The following CHL1 variants were observed in gnomAD, a reference collection of about 807,000 sequenced individuals.
The protein encoded by CHL1 is cell adhesion molecule L1 like.
A neutral mutation model predicts 141.9 loss-of-function variants in CHL1; 96 were observed. The observed-to-expected ratio is 0.68, with a 90% CI of 0.57 to 0.80. The LOEUF (loss-of-function observed/expected upper bound fraction) is 0.80, where lower values mean the gene tolerates loss of function less well. CHL1 is among the 30% of genes least tolerant of loss of function. The probability of loss-of-function intolerance (pLI) is 0.00; values close to 1 mark genes in which losing one functional copy is unlikely to be tolerated. For missense variants in CHL1, 1,820 were observed against 1,457.2 expected (o/e 1.25, Z -4.05); for synonymous variants, 613 against 502.2 (o/e 1.22, Z -2.95).
At position 407,992 on chromosome 3, in the gene CHL1, A is replaced by G. The variant is rs1011102314; in HGVS notation, c.*2281A>G. On this transcript the variant is annotated 3_prime_UTR_variant, in exon 28 of 28. Transcript: ENST00000256509. ...TCAATACTATTTGGCAACTACTGGG[A>G]CTCTTCAGCACAAAAGGAATAGATC... 4 of 151,958 alleles carry G rather than the reference A, an allele frequency of 2.6e-5. No homozygotes were observed. The highest frequency in any genetic ancestry group is 9.7e-5 in the African/African-American group (4 of 41,372). 9.4% of individuals were successfully genotyped at this position (151,958 alleles called of 1,614,324 possible).
chr3:341,851 A>T, intron 6 of CHL1, 61 bp from the exon 7 acceptor site: 1 of 1,288,140 alleles, frequency 7.8e-7, no homozygotes, highest in Non-Finnish European at 1.0e-6. Flanking sequence ...AAAATGAAAA[A>T]GGAAGATGAA....
At position 382,857 on chromosome 3, in the gene CHL1, C is replaced by T. The variant is rs533156120; in HGVS notation, c.2176+186C>T. The T allele has an allele frequency of 7.4e-5, 41 of 553,450 alleles. 1 individual carries two copies. The highest frequency in any genetic ancestry group is 5.0e-4 in the Middle Eastern group (1 of 2,020). The allele number at this position is 553,450 out of a possible 1,614,324, so 34.3% of individuals were successfully genotyped here. A position where few individuals can be genotyped will look rare whatever the true frequency, so the allele number is the denominator to read the frequency against. On this transcript the variant is annotated intron_variant, in intron 18 of 27. Coordinates refer to ENST00000256509, the MANE Select transcript of CHL1 (RefSeq NM_006614.4). ...GTTTCAGAAGTGTTACATACGAGTT[C>T]GATAAAAGCAGGAAATTAGGGGAGT...
At chr3:214,875 G>A (rs1700182166) in intron 1 of CHL1, among the ~76,000 whole-genome samples, 1 of 152,138 alleles carries the variant, frequency 6.6e-6, no homozygotes, top group East Asian at 1.9e-4. Context: ...GATTAATTAT[G>A]TATGCCTAAT....
chr3:354,495 C>G, intron 10 of CHL1, 145 bp from the exon 11 acceptor site: 1 of 846,036 alleles, frequency 1.2e-6, no homozygotes, highest in Non-Finnish European at 1.8e-6. Context: ...CCTTGCTTTG[C>G]AGAGCAAGTT....
At chr3:275,790 T>C (rs1302957439) in intron 2 of CHL1, among the ~76,000 whole-genome samples, 2 of 152,144 alleles carry the variant, frequency 1.3e-5, no homozygotes, top group African/African-American at 4.8e-5. Flanking sequence ...AGAATAGATC[T>C]CAGTCTGAAA....
At chr3:207,295 G>A (rs1287674562) in intron 1 of CHL1, among the ~76,000 whole-genome samples, 1 of 152,162 alleles carries the variant, frequency 6.6e-6, no homozygotes, top group Non-Finnish European at 1.5e-5. Context: ...GCTTTGGCTA[G>A]ACAGGAGATC....
At chr3:204,023 CT>C (rs1243963977) in intron 1 of CHL1, among the ~76,000 whole-genome samples, 1 of 152,238 alleles carries the variant, frequency 6.6e-6, no homozygotes, top group Non-Finnish European at 1.5e-5. Context: ...ATCTTCACCA[CT>C]TTTTCTTTGT....
chr3:245,473 G>T (rs1467725773), intron 2 of CHL1, among the ~76,000 whole-genome samples: 1 of 152,112 alleles, frequency 6.6e-6, no homozygotes, highest in East Asian at 1.9e-4. Flanking sequence ...TTCAGTAAGT[G>T]CCAATAATTA....
At chr3:240,855 T>G (rs1411753235) in intron 1 of CHL1, among the ~76,000 whole-genome samples, 1 of 108,036 alleles carries the variant, frequency 9.3e-6, no homozygotes, top group Non-Finnish European at 2.4e-5. Context: ...AATAGGGTGT[T>G]CTTTCCCCCA....
At chr3:214,125 G>A (rs1700113317) in intron 1 of CHL1, among the ~76,000 whole-genome samples, 1 of 152,142 alleles carries the variant, frequency 6.6e-6, no homozygotes, top group Admixed American at 6.5e-5. Context: ...GGGCTCTTTG[G>A]TGCCAATAAT....
At chr3:217,787 C>T (rs974692111) in intron 1 of CHL1, 1 of 152,074 alleles carries the variant, frequency 6.6e-6, no homozygotes, top group African/African-American at 2.4e-5. Context: ...CAAAGGAATT[C>T]CAACAGTTAA....
At chr3:377,695 T>A (rs1026481231) in intron 15 of CHL1, 123 bp from the exon 16 acceptor site, 1 of 791,442 alleles carries the variant, frequency 1.3e-6, no homozygotes, top group Non-Finnish European at 1.9e-6. Context: ...AAATTTGCAT[T>A]GCATAAAGTC....
intron 14 of CHL1, among the ~76,000 whole-genome samples, chr3:365,214 A>G (rs182279183): frequency 0.017 from 2,598 of 152,342 alleles, 42 homozygotes; most frequent in Non-Finnish European, 0.024. Flanking sequence ...TACTTTTAAT[A>G]GGGCATTAAA....
chr3:347,491 A>G (rs1232931164), intron 9 of CHL1, among the ~76,000 whole-genome samples: 1 of 152,202 alleles, frequency 6.6e-6, no homozygotes, highest in Non-Finnish European at 1.5e-5. Flanking sequence ...ATTTTCACAT[A>G]ATACTTTAGA....
In CHL1 at chr3:349,391, G is replaced by C. The variant is rs777058932; in HGVS notation, c.881G>C (p.Gly294Ala). ...PTPQVDWNKIGGDLPKGRETK... is the reference protein window; with the variant it reads ...PTPQVDWNKIAGDLPKGRETK... ...CCACAGGTTGATTGGAACAAAATTG[G>C]TGGTGACTTACCAAAGGGGAGAGAA... is the stretch of plus-strand genomic sequence containing the variant. Residue 294 changes from glycine (G) to alanine (A), a missense_variant, in exon 10 of 28, where the codon GGT becomes GCT. Transcript: ENST00000256509. 1.9e-6 allele frequency: 3 copies of C among 1,613,670 alleles called. No homozygotes were observed.
intron 27 of CHL1, 112 bp downstream of exon 27, chr3:401,810 G>A (rs540190885): frequency 4.8e-6 from 3 of 623,686 alleles, no homozygotes; most frequent in South Asian, 4.7e-5. Context: ...ACAATGTAAT[G>A]ACCCTATAAA....
At position 267,417 on chromosome 3, in the gene CHL1, C is replaced by G. The variant is rs550645524; in HGVS notation, c.-95+22725C>G. Among the ~76,000 whole-genome samples the G allele has an allele frequency of 3.9e-5, 6 of 152,224 alleles. No individual in the cohort carries two copies. In the South Asian group the frequency reaches 1.2e-3, roughly 32 times the overall value. ...GGGTGGGGTGGAATTATTCATTTTC[C>G]TCTATTTTACATTTATATTTTACTT... On this transcript the variant is annotated intron_variant, in intron 2 of 27. Transcript: ENST00000256509.
At chr3:355,963 C>G (rs571466634) in intron 11 of CHL1, among the ~76,000 whole-genome samples, 14 of 152,158 alleles carry the variant, frequency 9.2e-5, no homozygotes, top group Non-Finnish European at 1.5e-4. Flanking sequence ...ATAACACTGA[C>G]TCACGGGGTT....
At chr3:213,809 T>C (rs1270560880) in intron 1 of CHL1, 1 of 152,178 alleles carries the variant, frequency 6.6e-6, no homozygotes, top group African/African-American at 2.4e-5. Context: ...AAAATAAGTG[T>C]TCAAGCCCAA....
Sources: gnomAD v4.1 joint callset for allele counts (sites outside exome capture counted in the v4.1 genomes callset) on GRCh38, gnomAD v4.1.1 for gene constraint, MANE v1.5 for transcripts, NCBI Gene and HGNC (gene_info 2026-07-23, HGNC 2026-07-21) for gene names.